Variants in EPC2 observed in about 807,000 individuals in gnomAD.
The protein encoded by EPC2 is enhancer of polycomb homolog 2.
A neutral mutation model predicts 92.1 loss-of-function variants in EPC2; 14 were observed. The observed-to-expected ratio is 0.15, with a 90% CI of 0.10 to 0.24. The LOEUF is 0.24. Ranked by LOEUF, EPC2 falls within the 10% of genes least tolerant of loss-of-function variation. The pLI is 1.00. For synonymous variants in EPC2, 340 were observed against 334.7 expected, an observed-to-expected ratio of 1.02 and a Z score of -0.17; for missense variants, 755 against 971.5, an observed-to-expected ratio of 0.78 and a Z score of 2.96.
At chr2:148,719,801 C>T (rs1432278832) in intron 2 of EPC2, among the ~76,000 whole-genome samples, 3 of 152,266 alleles carry the variant, frequency 2.0e-5, no homozygotes, top group African/African-American at 7.2e-5. Context: ...ACCATTTGAT[C>T]TGGGCTCTCC....
intron 2 of EPC2, among the ~76,000 whole-genome samples, chr2:148,734,808 T>C (rs1682718683): frequency 6.6e-6 from 1 of 151,884 alleles, no homozygotes; most frequent in African/African-American, 2.4e-5. Context: ...GATTTCTTTT[T>C]TTTTTTTTTA....
intron 11 of EPC2, among the ~76,000 whole-genome samples, chr2:148,783,073 C>A (rs1180647126): frequency 6.6e-6 from 1 of 152,158 alleles, no homozygotes; most frequent in Non-Finnish European, 1.5e-5. Context: ...CTGGGACTTG[C>A]TCAAGGACTA....
At chr2:148,659,082 G>T (rs1170723553) in intron 1 of EPC2, among the ~76,000 whole-genome samples, 1 of 152,060 alleles carries the variant, frequency 6.6e-6, no homozygotes, top group Non-Finnish European at 1.5e-5. Context: ...ATTTCTGACT[G>T]CATTTTCAGC....
In EPC2 at chr2:148,728,378, C is replaced by CT. The variant is rs989597830; in HGVS notation, c.314-15233dup. On this transcript the variant is annotated intron_variant, in intron 2 of 13. Coordinates refer to ENST00000258484, the MANE Select transcript of EPC2 (RefSeq NM_015630.4). ...ATTAATATGTACATATGTTCTCATT[C>CT]TTTTTTTTTTTAATCACTGCATAAT... Among the ~76,000 whole-genome samples the CT allele has an allele frequency of 2.1e-3, 311 of 144,796 alleles. 2 individuals carry two copies. Among genetic ancestry groups the CT allele is most frequent in the African/African-American group, 6.8e-3 (269 of 39,618 alleles). The allele number at this position is 144,796 out of a possible 152,430, so 95.0% of individuals were successfully genotyped here.
intron 1 of EPC2, 137 bp from the exon 2 acceptor site, chr2:148,690,077 A>G: frequency 2.7e-6 from 2 of 736,874 alleles, no homozygotes; most frequent in Non-Finnish European, 4.2e-6. Flanking sequence ...ATGTAACTGT[A>G]GGTCTTTGGC....
At chr2:148,729,783 A>G (rs1682581674) in intron 2 of EPC2, among the ~76,000 whole-genome samples, 1 of 152,212 alleles carries the variant, frequency 6.6e-6, no homozygotes, top group East Asian at 1.9e-4. Context: ...AGATGCTGTC[A>G]TTAGGCTCTG....
At chr2:148,747,934 C>G (rs1574620419) in intron 3 of EPC2, among the ~76,000 whole-genome samples, 1 of 151,998 alleles carries the variant, frequency 6.6e-6, no homozygotes, top group Non-Finnish European at 1.5e-5. Flanking sequence ...CCTTTGCCTC[C>G]CCCAGTTTTG....
intron 2 of EPC2, among the ~76,000 whole-genome samples, chr2:148,715,488 C>T (rs1433063956): frequency 1.3e-5 from 2 of 152,110 alleles, no homozygotes; most frequent in African/African-American, 4.8e-5. Context: ...GGAATTCTTT[C>T]CCCATTGCTT....
chr2:148,670,104 A>C (rs766550508), intron 1 of EPC2, among the ~76,000 whole-genome samples: 7 of 152,090 alleles, frequency 4.6e-5, no homozygotes, highest in Non-Finnish European at 1.0e-4. Context: ...GTCTCAACTC[A>C]TGAAGTCTAC....
chr2:148,657,007 T>A (rs1368379188), intron 1 of EPC2, among the ~76,000 whole-genome samples: 1 of 152,170 alleles, frequency 6.6e-6, no homozygotes, highest in Non-Finnish European at 1.5e-5. Flanking sequence ...AGTTTTTTTT[T>A]AGATGCCTGT....
chr2:148,777,230 A>G (rs1197365562), intron 10 of EPC2, among the ~76,000 whole-genome samples: 1 of 151,978 alleles, frequency 6.6e-6, no homozygotes, highest in Non-Finnish European at 1.5e-5. Flanking sequence ...GACCTGGTAG[A>G]TGAAGAAATA....
chr2:148,704,777 G>A (rs1184430222), intron 2 of EPC2, among the ~76,000 whole-genome samples: 1 of 152,216 alleles, frequency 6.6e-6, no homozygotes, highest in Admixed American at 6.5e-5. Context: ...TTAGCCCAGA[G>A]TTGGAGGCAA....
chr2:148,770,538 A>G (rs1382039447), intron 8 of EPC2, among the ~76,000 whole-genome samples: 2 of 152,208 alleles, frequency 1.3e-5, no homozygotes, highest in Non-Finnish European at 2.9e-5. Context: ...CTTTTTAAGT[A>G]TAATAGACCC....
chr2:148,786,567 G>T lies in EPC2; in HGVS notation c.*190G>T. Reference sequence around the variant, plus strand: ...GGGAAAATCACTACCTTGTAAAATAGTTTATTTGTATCATCAATATTATTT... The same window carrying T: ...GGGAAAATCACTACCTTGTAAAATATTTTATTTGTATCATCAATATTATTT... On this transcript the variant is annotated 3_prime_UTR_variant, in exon 14 of 14. Coordinates refer to ENST00000258484, the MANE Select transcript of EPC2 (RefSeq NM_015630.4). The T allele has an allele frequency of 2.2e-6, 1 of 455,486 alleles. No individual in the cohort carries two copies. The allele number at this position is 455,486 out of a possible 1,614,324, so 28.2% of individuals were successfully genotyped here. A position where few individuals can be genotyped will look rare whatever the true frequency, so the allele number is the denominator to read the frequency against.
chr2:148,708,874 C>A (rs1558816214), intron 2 of EPC2, among the ~76,000 whole-genome samples: 1 of 152,046 alleles, frequency 6.6e-6, no homozygotes, highest in Non-Finnish European at 1.5e-5. Flanking sequence ...TATGACAAAC[C>A]CACAGCCAGT....
intron 1 of EPC2, among the ~76,000 whole-genome samples, chr2:148,680,925 GAGA>G: frequency 1.3e-5 from 2 of 152,332 alleles, no homozygotes; most frequent in South Asian, 4.1e-4. Flanking sequence ...TGTAATTTTA[GAGA>G]AGGATATTTG....
chr2:148,731,255 A>C (rs1263199641), intron 2 of EPC2, among the ~76,000 whole-genome samples: 1 of 152,236 alleles, frequency 6.6e-6, no homozygotes, highest in Non-Finnish European at 1.5e-5. Flanking sequence ...TAGACCAAAG[A>C]GATTTTAAGG....
chr2:148,660,705 G>T (rs1030045625), intron 1 of EPC2, among the ~76,000 whole-genome samples: 1 of 151,570 alleles, frequency 6.6e-6, no homozygotes, highest in Non-Finnish European at 1.5e-5. Flanking sequence ...TATACACTGC[G>T]TTGTAGATCA....
Position 148,644,956 on chromosome 2 carries a change from T to TCCCC in EPC2, c.-58_-55dup. The TCCCC allele has an allele frequency of 2.2e-6, 3 of 1,392,296 alleles. No homozygotes were observed. The highest frequency in any genetic ancestry group is 3.0e-6 in the Non-Finnish European group (3 of 1,012,500). 86.2% of individuals were successfully genotyped at this position (1,392,296 alleles called of 1,614,324 possible). On this transcript the variant is annotated 5_prime_UTR_variant, in exon 1 of 14. Coordinates refer to ENST00000258484, the MANE Select transcript of EPC2 (RefSeq NM_015630.4). ...GAGGTGGAGGAGGCGGCGGGAGTCC[T>TCCCC]CCCCCCCTCCCCGCCCGCCCCGCCG...
Sources: gnomAD v4.1 joint callset for allele counts (sites outside exome capture counted in the v4.1 genomes callset) on GRCh38, gnomAD v4.1.1 for gene constraint, MANE v1.5 for transcripts, NCBI Gene and HGNC (gene_info 2026-07-23, HGNC 2026-07-21) for gene names.